ZNF362: variants seen among roughly 807,000 people sequenced by gnomAD.
ZNF362 encodes the protein rotund homolog.
Under a neutral mutation model 42.9 loss-of-function variants are expected in ZNF362, and 11 were observed. The ratio of observed to expected loss-of-function variants is 0.26; its 90% CI spans 0.16 to 0.42. ZNF362 has a LOEUF of 0.42. Ranked by LOEUF, ZNF362 falls within the 20% of genes least tolerant of loss-of-function variation. The pLI is 1.00. For missense variants in ZNF362, 362 were observed against 576.2 expected (o/e 0.63, Z 3.81); for synonymous variants, 255 against 257.3 (o/e 0.99, Z 0.09).
intron 1 of ZNF362, among the ~76,000 whole-genome samples, chr1:33,259,050 C>T (rs1645812643): frequency 1.3e-5 from 2 of 152,188 alleles, no homozygotes; most frequent in African/African-American, 4.8e-5. Flanking sequence ...AGGCCCACCC[C>T]ACCCAAAGAA....
the ZNF362 span, among the ~76,000 whole-genome samples, chr1:33,240,497 A>G: frequency 6.6e-6 from 1 of 152,176 alleles, no homozygotes; most frequent in Non-Finnish European, 1.5e-5. Flanking sequence ...ACATACATAG[A>G]CACATACATA....
chr1:33,292,168 A>G (rs1427540100), intron 6 of ZNF362, among the ~76,000 whole-genome samples: 5 of 152,180 alleles, frequency 3.3e-5, no homozygotes, highest in African/African-American at 1.2e-4. Flanking sequence ...GAATGCTTCC[A>G]GTTTTTGCCC....
chr1:33,214,492 A>C, the ZNF362 span, among the ~76,000 whole-genome samples: 1 of 152,224 alleles, frequency 6.6e-6, no homozygotes, highest in East Asian at 1.9e-4. Context: ...AAAACGGACA[A>C]ATGAGATCAC....
intron 4 of ZNF362, 135 bp from the exon 5 acceptor site, chr1:33,279,989 C>T: frequency 9.7e-7 from 1 of 1,030,932 alleles, no homozygotes; most frequent in Middle Eastern, 2.8e-4. Context: ...CACAAGGTCT[C>T]ATTTAGTTAC....
chr1:33,176,334 T>G, the ZNF362 span: 5 of 633,938 alleles, frequency 7.9e-6, 1 homozygote, highest in South Asian at 8.1e-5. Flanking sequence ...GAGCCGAAAT[T>G]TGAACCTAGC....
At chr1:33,227,151 G>T in the ZNF362 span, among the ~76,000 whole-genome samples, 1 of 152,102 alleles carries the variant, frequency 6.6e-6, no homozygotes, top group South Asian at 2.1e-4. Flanking sequence ...AAAATTCATT[G>T]AACTATATAC....
At chr1:33,293,588 C>T (rs1047186732) in intron 6 of ZNF362, among the ~76,000 whole-genome samples, 2 of 152,174 alleles carry the variant, frequency 1.3e-5, no homozygotes, top group East Asian at 3.8e-4. Flanking sequence ...AAGGAGTGGA[C>T]ACCCTTTTGA....
chr1:33,267,698 A>G (rs1645873868), intron 1 of ZNF362, among the ~76,000 whole-genome samples: 2 of 152,232 alleles, frequency 1.3e-5, no homozygotes, highest in Non-Finnish European at 2.9e-5. Flanking sequence ...CAAGGCCAGT[A>G]ACATTAGCTG....
At chr1:33,158,169 C>G in the ZNF362 span, 1 of 1,279,638 alleles carries the variant, frequency 7.8e-7, no homozygotes, top group Non-Finnish European at 1.1e-6. Flanking sequence ...ACCCCAACTG[C>G]CCCATGCTGT....
Position 33,277,676 on chromosome 1 carries a change from G to A in ZNF362, c.349+1082G>A, listed in dbSNP as rs538895980. Reference sequence around the variant, plus strand: ...AGATATGAGATACATTGTGGGAGAAGAGAGGACAGGATGTAGGAGCATGAG... The same window carrying A: ...AGATATGAGATACATTGTGGGAGAAAAGAGGACAGGATGTAGGAGCATGAG... On this transcript the variant is annotated intron_variant, in intron 4 of 8. Coordinates refer to ENST00000539719, the MANE Select transcript of ZNF362 (RefSeq NM_152493.3). 2.2e-4 allele frequency among the ~76,000 whole-genome samples: 34 copies of A among 152,284 alleles called. No individual in the cohort carries two copies. The South Asian group carries it at 6.6e-3, about 30-fold the overall frequency.
chr1:33,149,939 T>A, the ZNF362 span, among the ~76,000 whole-genome samples: 1 of 152,206 alleles, frequency 6.6e-6, no homozygotes, highest in Admixed American at 6.5e-5. Context: ...CCGGAAAGAC[T>A]CACCAAATTA....
the ZNF362 span, among the ~76,000 whole-genome samples, chr1:33,216,699 A>G: frequency 6.6e-6 from 1 of 151,954 alleles, no homozygotes; most frequent in Non-Finnish European, 1.5e-5. Context: ...ATGATTTTAA[A>G]GAAGGATCAA....
the ZNF362 span, chr1:33,200,383 G>GA: frequency 6.6e-6 from 1 of 151,870 alleles, no homozygotes; most frequent in Non-Finnish European, 1.5e-5. Context: ...CAGAAAAAGA[G>GA]AAAAAATGGA....
the ZNF362 span, among the ~76,000 whole-genome samples, chr1:33,149,613 C>G: frequency 6.6e-6 from 1 of 151,810 alleles, no homozygotes; most frequent in Non-Finnish European, 1.5e-5. Context: ...CATCACTATG[C>G]GCAGCTAATT....
At chr1:33,181,088 G>A in the ZNF362 span, 4 of 1,599,320 alleles carry the variant, frequency 2.5e-6, no homozygotes, top group Middle Eastern at 1.7e-4. The surrounding 1 kb of genome is among the most constrained non-coding windows in gnomAD (Gnocchi z 6.5). Context: ...GTGCAGGCTC[G>A]TCGCAGAAGA....
chr1:33,146,165 A>G, the ZNF362 span: 18 of 256,660 alleles, frequency 7.0e-5, 1 homozygote, highest in Middle Eastern at 1.6e-3. Context: ...CAGCTCTTCC[A>G]ACAATTTTGC....
chr1:33,192,908 T>C, the ZNF362 span, among the ~76,000 whole-genome samples: 43 of 150,894 alleles, frequency 2.8e-4, no homozygotes, highest in East Asian at 6.1e-3. Context: ...AAATAAAAAG[T>C]TAAAAAATAG....
chr1:33,152,357 G>A, the ZNF362 span, among the ~76,000 whole-genome samples: 1 of 152,190 alleles, frequency 6.6e-6, no homozygotes, highest in African/African-American at 2.4e-5. Flanking sequence ...CCTGAGGTCC[G>A]GAGTTCGAGA....
the ZNF362 span, among the ~76,000 whole-genome samples, chr1:33,183,047 C>T: frequency 2.4e-3 from 361 of 152,288 alleles, 1 homozygote; most frequent in African/African-American, 7.2e-3. Flanking sequence ...GCTGAATAAC[C>T]GCATCAACGC....
Sources: allele counts gnomAD v4.1 joint callset (sites outside exome capture counted in the v4.1 genomes callset), GRCh38; gene constraint gnomAD v4.1.1; non-coding constraint Gnocchi (gnomAD v3.1); transcripts MANE v1.5; gene names NCBI Gene and HGNC (gene_info 2026-07-23, HGNC 2026-07-21).